GALNTL6: variants seen among roughly 807,000 people sequenced by gnomAD.
GALNTL6 encodes polypeptide N-acetylgalactosaminyltransferase-like 6.
GALNTL6 carries 46 observed loss-of-function variants against 73.7 expected under a neutral mutation model. The ratio of observed to expected loss-of-function variants is 0.62; its 90% CI spans 0.49 to 0.80. The LOEUF (loss-of-function observed/expected upper bound fraction) is 0.80. GALNTL6 is among the 30% of genes least tolerant of loss of function. GALNTL6 has a pLI of 0.00. For synonymous variants in GALNTL6, 259 were observed against 263.7 expected (o/e 0.98, Z 0.17); for missense variants, 604 against 755.0 (o/e 0.80, Z 2.34).
chr4:171,971,739 A>G (rs565514977), intron 2 of GALNTL6, among the ~76,000 whole-genome samples: 1 of 152,330 alleles, frequency 6.6e-6, no homozygotes, highest in African/African-American at 2.4e-5. Flanking sequence ...ATAAAAAAAT[A>G]TAGGATTTTG....
At chr4:172,229,545 C>G (rs530951852) in intron 2 of GALNTL6, 111 bp from the exon 3 acceptor site, 2 of 631,360 alleles carry the variant, frequency 3.2e-6, no homozygotes, top group African/African-American at 1.8e-5. Context: ...TCAGAAGATT[C>G]ACTTATTTAA....
At chr4:172,356,264 T>C (rs1315290000) in intron 5 of GALNTL6, among the ~76,000 whole-genome samples, 2 of 152,188 alleles carry the variant, frequency 1.3e-5, no homozygotes, top group African/African-American at 2.4e-5. Flanking sequence ...ATTTTATGCA[T>C]GTTGGGCTTC....
chr4:172,932,573 C>T (rs1274324889), intron 9 of GALNTL6, among the ~76,000 whole-genome samples: 2 of 152,048 alleles, frequency 1.3e-5, no homozygotes, highest in African/African-American at 4.8e-5. Context: ...GCTGAGTATC[C>T]CTCATCCAAA....
chr4:172,384,137 C>T (rs1743380816), intron 5 of GALNTL6, among the ~76,000 whole-genome samples: 1 of 152,056 alleles, frequency 6.6e-6, no homozygotes, highest in Non-Finnish European at 1.5e-5. Context: ...AGTGTTCCTT[C>T]CTCTTCTACT....
intron 2 of GALNTL6, among the ~76,000 whole-genome samples, chr4:172,036,122 A>G (rs1045457713): frequency 1.3e-5 from 2 of 152,106 alleles, no homozygotes; most frequent in African/African-American, 2.4e-5. Flanking sequence ...TCTCTAAAGC[A>G]TAAGTCATCA....
At chr4:172,368,356 G>A (rs758567191) in intron 5 of GALNTL6, among the ~76,000 whole-genome samples, 11 of 152,122 alleles carry the variant, frequency 7.2e-5, no homozygotes, top group Non-Finnish European at 1.6e-4. Flanking sequence ...ACTCCAGCCT[G>A]GGCGACAGTG....
At chr4:172,030,459 C>T (rs931309670) in intron 2 of GALNTL6, among the ~76,000 whole-genome samples, 4 of 151,940 alleles carry the variant, frequency 2.6e-5, no homozygotes, top group Non-Finnish European at 4.4e-5. Context: ...TCCTGTAATC[C>T]CAGCACTTTG....
At chr4:172,029,947 G>C (rs542466460) in intron 2 of GALNTL6, among the ~76,000 whole-genome samples, 78 of 152,166 alleles carry the variant, frequency 5.1e-4, no homozygotes, top group Non-Finnish European at 1.1e-3. Context: ...GAAAAAGTGA[G>C]TGCTAATAAC....
At chr4:173,029,485 A>G (rs1197993937) in intron 12 of GALNTL6, among the ~76,000 whole-genome samples, 1 of 152,226 alleles carries the variant, frequency 6.6e-6, no homozygotes, top group Non-Finnish European at 1.5e-5. Flanking sequence ...GAGTAACATG[A>G]TTCCCAGAAC....
chr4:172,418,679 C>A (rs1730935514), intron 5 of GALNTL6, among the ~76,000 whole-genome samples: 1 of 152,116 alleles, frequency 6.6e-6, no homozygotes, highest in African/African-American at 2.4e-5. Flanking sequence ...GTCATTGTGG[C>A]AATAGCCAAC....
intron 2 of GALNTL6, among the ~76,000 whole-genome samples, chr4:171,872,332 A>T (rs1426647574): frequency 1.3e-5 from 2 of 152,152 alleles, no homozygotes; most frequent in Non-Finnish European, 1.5e-5. Context: ...TTTATATATT[A>T]TATACATATG....
At chr4:172,532,132 T>C (rs1039193873) in intron 5 of GALNTL6, among the ~76,000 whole-genome samples, 3 of 152,124 alleles carry the variant, frequency 2.0e-5, no homozygotes, top group Non-Finnish European at 4.4e-5. Flanking sequence ...ATGAGTTGGA[T>C]TGATACACTG....
At chr4:172,975,437 CAGA>C (rs1338832838) in intron 10 of GALNTL6, among the ~76,000 whole-genome samples, 1 of 152,164 alleles carries the variant, frequency 6.6e-6, no homozygotes, top group East Asian at 1.9e-4. Context: ...TTATGGACGT[CAGA>C]AGAAGTGCAT....
chr4:171,979,192 C>A (rs1048620000), intron 2 of GALNTL6, among the ~76,000 whole-genome samples: 46 of 152,178 alleles, frequency 3.0e-4, no homozygotes, highest in Admixed American at 1.8e-3. Context: ...CATTACAGCA[C>A]GGCCATCCAC....
intron 2 of GALNTL6, among the ~76,000 whole-genome samples, chr4:171,931,624 C>A (rs191597125): frequency 6.6e-6 from 1 of 152,248 alleles, no homozygotes; most frequent in African/African-American, 2.4e-5. Flanking sequence ...AGGATTATAT[C>A]TATCACTGCT....
intron 3 of GALNTL6, among the ~76,000 whole-genome samples, chr4:172,310,271 ATTT>A (rs1169018138): frequency 6.9e-6 from 1 of 145,720 alleles, no homozygotes; most frequent in Non-Finnish European, 1.5e-5. Flanking sequence ...TTACTCGATA[ATTT>A]TTTTTTTTTT....
chr4:173,002,816 A>G (rs1185475222), intron 10 of GALNTL6, among the ~76,000 whole-genome samples: 4 of 148,916 alleles, frequency 2.7e-5, no homozygotes, highest in Non-Finnish European at 4.5e-5. Flanking sequence ...AAAAAAAAGA[A>G]TATTGGCCTT....
intron 2 of GALNTL6, among the ~76,000 whole-genome samples, chr4:171,989,244 T>G (rs1399055248): frequency 6.6e-6 from 1 of 152,140 alleles, no homozygotes; most frequent in Non-Finnish European, 1.5e-5. Flanking sequence ...CAAAGCTTGG[T>G]GTCCGTGATG....
intron 2 of GALNTL6, among the ~76,000 whole-genome samples, chr4:171,892,510 C>T (rs1736791741): frequency 6.6e-6 from 1 of 152,104 alleles, no homozygotes; most frequent in African/African-American, 2.4e-5. Context: ...GTTTTCTTCT[C>T]ATCATCCTCC....
Sources: allele counts gnomAD v4.1 joint callset (sites outside exome capture counted in the v4.1 genomes callset), GRCh38; gene constraint gnomAD v4.1.1; transcripts MANE v1.5; gene names NCBI Gene and HGNC (gene_info 2026-07-23, HGNC 2026-07-21).